The following AKAP9 variants were observed in gnomAD, a reference collection of about 807,000 sequenced individuals.
AKAP9 encodes A-kinase anchor protein 9.
A neutral mutation model predicts 488.5 loss-of-function variants in AKAP9; 311 were observed. The ratio of observed to expected loss-of-function variants is 0.64; its 90% CI spans 0.58 to 0.70. AKAP9 has a LOEUF of 0.70. Among genes scored for constraint, AKAP9 ranks in the 30% least tolerant of loss-of-function variants. AKAP9 has a pLI of 0.00. For missense variants in AKAP9, 4,215 were observed against 4,374.5 expected (o/e 0.96, Z 1.03); for synonymous variants, 1,462 against 1,483.5 (o/e 0.99, Z 0.33).
At chr7:91,945,528 A>G (rs1791359501) in intron 1 of AKAP9, among the ~76,000 whole-genome samples, 1 of 151,882 alleles carries the variant, frequency 6.6e-6, no homozygotes, top group African/African-American at 2.4e-5. Flanking sequence ...CAAAACAAAA[A>G]CAGAGGCCAG....
intron 1 of AKAP9, among the ~76,000 whole-genome samples, chr7:91,966,143 C>T (rs943065011): frequency 1.3e-5 from 2 of 152,152 alleles, no homozygotes; most frequent in South Asian, 2.1e-4. Flanking sequence ...CCTCCTGCCT[C>T]GGCCTCCCAT....
At chr7:91,970,225 C>T (rs1466673756) in intron 1 of AKAP9, among the ~76,000 whole-genome samples, 3 of 152,102 alleles carry the variant, frequency 2.0e-5, no homozygotes, top group East Asian at 1.9e-4. Context: ...ACTCCATTCC[C>T]TCCACATTTT....
chr7:92,054,699 G>A (rs1488499589), intron 22 of AKAP9, among the ~76,000 whole-genome samples: 3 of 151,968 alleles, frequency 2.0e-5, no homozygotes, highest in African/African-American at 7.2e-5. Flanking sequence ...TTGCCCAGTG[G>A]TATGTCCAAG....
chr7:92,053,029 C>A, intron 22 of AKAP9, 71 bp downstream of exon 22: 1 of 1,298,774 alleles, frequency 7.7e-7, no homozygotes, highest in Non-Finnish European at 1.1e-6. Context: ...CTCGACTGAG[C>A]TAATTTTGAT....
chr7:92,012,443 A>C lies in AKAP9; in HGVS notation c.3333A>C (p.Leu1111=). The C allele has an allele frequency of 6.2e-7, 1 of 1,613,582 alleles. No homozygotes were observed. Among genetic ancestry groups the C allele is most frequent in the East Asian group, 2.2e-5 (1 of 44,834 alleles). ...TTTACTTTAAGAATGATTTAAGGCTACAGATGGAAGCCCAACGCATTTGCC... is the reference window on the plus strand; with the variant it reads ...TTTACTTTAAGAATGATTTAAGGCTCCAGATGGAAGCCCAACGCATTTGCC... ...VLKSEQNDLR[L]QMEAQRICLS... The change falls in exon 9 of 50, where the codon CTA becomes CTC. Residue 1111 remains leucine (L), a synonymous_variant. Coordinates refer to ENST00000356239, the MANE Select transcript of AKAP9 (RefSeq NM_005751.5).
intron 26 of AKAP9, among the ~76,000 whole-genome samples, chr7:92,067,970 A>C (rs1488246989): frequency 1.3e-5 from 2 of 152,242 alleles, no homozygotes; most frequent in African/African-American, 4.8e-5. Flanking sequence ...TAAACAGTTC[A>C]GTGGATTTCA....
chr7:92,095,270 TTAA>T, intron 40 of AKAP9, 97 bp downstream of exon 40: 1 of 1,357,716 alleles, frequency 7.4e-7, no homozygotes, highest in African/African-American at 1.4e-5. Flanking sequence ...CTTAGACTTC[TTAA>T]TAAGATATGG....
intron 22 of AKAP9, 25 bp downstream of exon 22, chr7:92,052,983 G>A: frequency 6.4e-7 from 1 of 1,557,572 alleles, no homozygotes; most frequent in African/African-American, 1.4e-5. Flanking sequence ...TTGCTAATAT[G>A]TACTGAGTTT....
chr7:92,100,079 C>T (rs1817269665), intron 44 of AKAP9: 1 of 489,808 alleles, frequency 2.0e-6, no homozygotes, highest in Non-Finnish European at 3.7e-6. Flanking sequence ...CTGTACTCGA[C>T]TCTGGGTTGT....
chr7:92,031,934 T>C (rs1804327137), intron 16 of AKAP9, among the ~76,000 whole-genome samples: 1 of 152,250 alleles, frequency 6.6e-6, no homozygotes, highest in Admixed American at 6.5e-5. Flanking sequence ...TGGTTGGTCC[T>C]CTGTATATAT....
rs751720190 is a variant in AKAP9 at position 92,065,422 on chromosome 7, G to A, written c.6169G>A (p.Ala2057Thr). Residue 2057 changes from alanine (A) to threonine (T), a missense_variant, in exon 25 of 50, where the codon GCA becomes ACA. Transcript: ENST00000356239. ...ELMDLRQQNQALEKQLEKMRK... is the reference protein window; with the variant it reads ...ELMDLRQQNQTLEKQLEKMRK... ...AATGGATTTAAGACAGCAAAACCAA[G>A]CATTGGAAAAGCAGTTAGAAAAAAT... 5.6e-6 allele frequency: 9 copies of A among 1,612,580 alleles called. No homozygotes were observed. In the South Asian group the frequency reaches 9.9e-5, roughly 18 times the overall value.
chr7:92,061,932 G>A (rs1234696047), intron 23 of AKAP9, among the ~76,000 whole-genome samples: 1 of 151,936 alleles, frequency 6.6e-6, no homozygotes, highest in Non-Finnish European at 1.5e-5. Flanking sequence ...CAGTTCACAA[G>A]CATCTAATTT....
rs760514344 is a variant in AKAP9 at position 92,002,702 on chromosome 7, G to A, written c.2785G>A (p.Glu929Lys). 6.2e-7 allele frequency: 1 copy of A among 1,613,582 alleles called. No homozygotes were observed. Among genetic ancestry groups the A allele is most frequent in the Admixed American group, 1.7e-5 (1 of 59,978 alleles). ...CAAAACTTTTGTAGCAGAAACATTG[G>A]AAATGGGTGAGGTTGTTGAAAAGGA... ...EDKTFVAETL[E>K]MGEVVEKDTT... Residue 929 changes from glutamate to lysine, a missense_variant, in exon 8 of 50, where the codon GAA becomes AAA. Coordinates refer to ENST00000356239, the MANE Select transcript of AKAP9 (RefSeq NM_005751.5).
At position 92,061,584 on chromosome 7, in the gene AKAP9, CTATATA is replaced by C. The variant is rs71528033; in HGVS notation, c.5764+193_5764+198del. The stretch of plus-strand genomic sequence containing the variant: ...GAGTTCCTCCAAGCAATTTTTAAAA[CTATATA>C]TATATATATATATATATATATATAT... On this transcript the variant is annotated intron_variant, in intron 23 of 49. Transcript: ENST00000356239. Among the ~76,000 whole-genome samples, 8,664 of 102,378 alleles carry C rather than the reference CTATATA, an allele frequency of 0.085. 484 individuals are homozygous for C. The highest frequency in any genetic ancestry group is 0.094 in the Middle Eastern group (18 of 192). 67.2% of individuals were successfully genotyped at this position (102,378 alleles called of 152,430 possible). A position where few individuals can be genotyped will look rare whatever the true frequency, so the allele number is the denominator to read the frequency against.
chr7:92,082,348 AGAT>A (rs764528566), intron 31 of AKAP9, among the ~76,000 whole-genome samples, 171 bp from the exon 32 acceptor site: 3 of 152,232 alleles, frequency 2.0e-5, no homozygotes, highest in Non-Finnish European at 2.9e-5. Context: ...CAAGAATATA[AGAT>A]GATGGTTCTG....
rs368006874 is a variant in AKAP9 at position 92,001,817 on chromosome 7, G to A, written c.1900G>A (p.Glu634Lys). 7.5e-5 allele frequency: 121 copies of A among 1,613,292 alleles called. No homozygotes were observed. Among genetic ancestry groups the A allele is most frequent in the Admixed American group, 6.7e-5 (4 of 59,946 alleles). ...RLRTQLLFSH[E>K]EELSKLKEDL... The stretch of plus-strand genomic sequence containing the variant: ...GAGAACACAGCTTCTATTTAGTCAC[G>A]AAGAAGAGCTTTCCAAACTGAAGGA... The change falls in exon 8 of 50, where the codon GAA (glutamate) becomes AAA (lysine). Residue 634 changes from glutamate (E) to lysine (K), a missense_variant. By Grantham distance (56) the Glu-to-Lys change is moderately conservative. Coordinates refer to ENST00000356239, the MANE Select transcript of AKAP9 (RefSeq NM_005751.5).
chr7:92,008,548 A>C (rs1584085705), intron 8 of AKAP9, among the ~76,000 whole-genome samples: 1 of 151,140 alleles, frequency 6.6e-6, no homozygotes, highest in Non-Finnish European at 1.5e-5. Context: ...TCAGCTAGGC[A>C]TGGTGGCATG....
At position 92,006,506 on chromosome 7, in the gene AKAP9, A is replaced by G. The variant is rs77557380; in HGVS notation, c.3318+3271A>G. On this transcript the variant is annotated intron_variant, in intron 8 of 49. Transcript: ENST00000356239. ...TAAAAAGATACTTTTGATGGCATTC[A>G]GATTCCCTCTATTTGACATTGACTA... Among the ~76,000 whole-genome samples the G allele has an allele frequency of 9.7e-3, 1,478 of 152,302 alleles. 33 individuals carry two copies. The highest frequency in any genetic ancestry group is 0.034 in the African/African-American group (1,410 of 41,560).
intron 25 of AKAP9, 89 bp from the exon 26 acceptor site, chr7:92,066,338 C>T (rs1347649277): frequency 4.6e-6 from 7 of 1,512,584 alleles, no homozygotes; most frequent in Non-Finnish European, 6.4e-6. Context: ...TCAAACAAAA[C>T]TAACATATCT....
Sources: allele counts gnomAD v4.1 joint callset (sites outside exome capture counted in the v4.1 genomes callset), GRCh38; gene constraint gnomAD v4.1.1; transcripts MANE v1.5; gene names NCBI Gene and HGNC (gene_info 2026-07-23, HGNC 2026-07-21).